The following PDGFD variants were observed in gnomAD, a reference collection of about 807,000 sequenced individuals.
The protein encoded by PDGFD is platelet derived growth factor D, also known as platelet-derived growth factor D.
A neutral mutation model predicts 44.7 loss-of-function variants in PDGFD; 30 were observed. The ratio of observed to expected loss-of-function variants is 0.67; its 90% confidence interval spans 0.50 to 0.91. PDGFD has a LOEUF of 0.91. PDGFD is among the 40% of genes least tolerant of loss of function. The probability of loss-of-function intolerance (pLI) is 0.00; values close to 1 mark genes in which losing one functional copy is unlikely to be tolerated. For missense variants in PDGFD, 445 were observed against 457.8 expected (o/e 0.97, Z 0.25); for synonymous variants, 173 against 168.4 (o/e 1.03, Z -0.21).
At chr11:104,132,853 G>A (rs1287178668) in intron 1 of PDGFD, among the ~76,000 whole-genome samples, 1 of 152,074 alleles carries the variant, frequency 6.6e-6, no homozygotes, top group Non-Finnish European at 1.5e-5. Context: ...TATAACAAAT[G>A]AACAATTTGA....
chr11:104,132,328 A>G (rs1050713200), intron 1 of PDGFD, among the ~76,000 whole-genome samples: 3 of 152,120 alleles, frequency 2.0e-5, no homozygotes, highest in African/African-American at 7.2e-5. Context: ...GTGCATACCT[A>G]TATGAATTCC....
intron 3 of PDGFD, among the ~76,000 whole-genome samples, chr11:103,957,704 T>A (rs1419425756): frequency 2.6e-5 from 4 of 152,022 alleles, no homozygotes; most frequent in African/African-American, 7.3e-5. Context: ...TTAGAGCAAA[T>A]CCCAGTCCAG....
Position 103,907,260 on chromosome 11 carries a change from G to C in PDGFD, c.*2434C>G, listed in dbSNP as rs1421951390. ...TTACATTCGCTATAGAAAATGCTAT[G>C]AGAGGAAAAAGCTGCATGTTACCGA... On this transcript the variant is annotated 3_prime_UTR_variant, in exon 7 of 7. Coordinates refer to ENST00000393158, the MANE Select transcript of PDGFD (RefSeq NM_025208.5). 6.6e-6 allele frequency: 1 copy of C among 151,980 alleles called. No homozygotes were observed. The highest frequency in any genetic ancestry group is 1.5e-5 in the Non-Finnish European group (1 of 68,012). 9.4% of individuals were successfully genotyped at this position (151,980 alleles called of 1,614,324 possible).
rs188298977 is a variant in PDGFD at position 104,161,103 on chromosome 11, C to T, written c.124+2701G>A. Among the ~76,000 whole-genome samples, 7 of 152,266 alleles carry T rather than the reference C, an allele frequency of 4.6e-5. No homozygotes were observed. In the East Asian group the frequency reaches 1.2e-3, roughly 25 times the overall value. On this transcript the variant is annotated intron_variant, in intron 1 of 6. Coordinates refer to ENST00000393158, the MANE Select transcript of PDGFD (RefSeq NM_025208.5). The stretch of plus-strand genomic sequence containing the variant: ...AAGTCCAGCAGGAACAAATGAAAAG[C>T]CTTCAAGTATGTCTATCATCAGGTA...
At chr11:103,936,566 C>T (rs918271367) in intron 5 of PDGFD, among the ~76,000 whole-genome samples, 31 of 152,188 alleles carry the variant, frequency 2.0e-4, no homozygotes, top group African/African-American at 7.5e-4. Flanking sequence ...TTCTCAGTTT[C>T]TTATGCTAGT....
intron 1 of PDGFD, among the ~76,000 whole-genome samples, chr11:104,042,370 GA>G (rs1158936798): frequency 1.3e-5 from 2 of 152,108 alleles, no homozygotes; most frequent in Non-Finnish European, 2.9e-5. Context: ...TCTGTTATCA[GA>G]AAAAAATGGA....
intron 3 of PDGFD, among the ~76,000 whole-genome samples, chr11:103,983,815 A>G (rs2099570695): frequency 6.6e-6 from 1 of 151,770 alleles, no homozygotes; most frequent in African/African-American, 2.4e-5. Context: ...ACATGAAAAA[A>G]CCGATCATTA....
intron 1 of PDGFD, among the ~76,000 whole-genome samples, chr11:104,013,767 CTGAA>C (rs912685167): frequency 6.6e-6 from 1 of 152,058 alleles, no homozygotes; most frequent in Admixed American, 6.6e-5. Context: ...TAACCATACA[CTGAA>C]TAACATCTCA....
At chr11:104,161,207 G>C (rs950387477) in intron 1 of PDGFD, among the ~76,000 whole-genome samples, 1 of 152,068 alleles carries the variant, frequency 6.6e-6, no homozygotes, top group African/African-American at 2.4e-5. Flanking sequence ...CTGAGAGCCA[G>C]GTCTTCTAAA....
chr11:103,992,286 T>C (rs1341161217), intron 3 of PDGFD, among the ~76,000 whole-genome samples: 2 of 152,148 alleles, frequency 1.3e-5, no homozygotes, highest in African/African-American at 2.4e-5. Flanking sequence ...TAAGGCACTG[T>C]ATAGAATTAT....
At chr11:103,987,374 C>G (rs1202055206) in intron 3 of PDGFD, among the ~76,000 whole-genome samples, 1 of 152,124 alleles carries the variant, frequency 6.6e-6, no homozygotes, top group East Asian at 1.9e-4. Context: ...CCTGAGTCCA[C>G]CTGCTAAGCA....
At chr11:104,037,296 C>G in intron 1 of PDGFD, 1 of 1,613,412 alleles carries the variant, frequency 6.2e-7, no homozygotes, top group Non-Finnish European at 8.5e-7. Context: ...ACGATCTGTC[C>G]CTGCTCAAGG....
At chr11:104,021,257 G>A (rs991283585) in intron 1 of PDGFD, among the ~76,000 whole-genome samples, 1 of 152,120 alleles carries the variant, frequency 6.6e-6, no homozygotes, top group Non-Finnish European at 1.5e-5. Flanking sequence ...TTCTAGAGCT[G>A]CCTTACACAG....
At chr11:103,929,035 G>C (rs991948815) in intron 5 of PDGFD, among the ~76,000 whole-genome samples, 2 of 152,130 alleles carry the variant, frequency 1.3e-5, no homozygotes, top group Admixed American at 6.6e-5. Context: ...GGAAGGGATC[G>C]TGATGTGTGA....
At chr11:104,028,688 C>T (rs889142492) in intron 1 of PDGFD, among the ~76,000 whole-genome samples, 1 of 149,016 alleles carries the variant, frequency 6.7e-6, no homozygotes, top group African/African-American at 2.5e-5. Flanking sequence ...CACCACAACC[C>T]TGCATTCTAG....
chr11:104,036,663 A>G (rs1012300769), intron 1 of PDGFD: 15 of 638,802 alleles, frequency 2.3e-5, no homozygotes, highest in African/African-American at 1.5e-4. Flanking sequence ...GACAGCCCCC[A>G]GACAGATGAG....
rs1178154804 is a variant in PDGFD, at chr11:104,163,939, G to A, written c.-12C>T. 6 of 1,531,060 alleles carry A rather than the reference G, an allele frequency of 3.9e-6. 1 individual carries two copies. In the Admixed American group the frequency reaches 5.4e-5, roughly 14 times the overall value. The allele number at this position is 1,531,060 out of a possible 1,614,324, so 94.8% of individuals were successfully genotyped here. On this transcript the variant is annotated 5_prime_UTR_variant, in exon 1 of 7. Coordinates refer to ENST00000393158, the MANE Select transcript of PDGFD (RefSeq NM_025208.5). ...ATGAGCCGGTGCATTTGGGATCAGC[G>A]ACTAGAGACAGCGTCGCTCCAAGAA...
chr11:104,148,154 T>C (rs1316877308), intron 1 of PDGFD, among the ~76,000 whole-genome samples: 3 of 152,126 alleles, frequency 2.0e-5, no homozygotes, highest in Non-Finnish European at 2.9e-5. Flanking sequence ...TACATGAAAA[T>C]AACTAGCAAC....
At position 104,017,525 on chromosome 11, in the gene PDGFD, T is replaced by G. The variant is rs144180809; in HGVS notation, c.125-17270A>C. The stretch of plus-strand genomic sequence containing the variant: ...CTCAACATATTCTTCATCACTGTTC[T>G]GCCCGATCCAACATCCATCTCCATT... On this transcript the variant is annotated intron_variant, in intron 1 of 6. Transcript: ENST00000393158. 4.8e-3 allele frequency among the ~76,000 whole-genome samples: 735 copies of G among 152,332 alleles called. 10 individuals carry two copies. The highest frequency in any genetic ancestry group is 0.017 in the African/African-American group (695 of 41,574).
Sources: gnomAD v4.1 joint callset for allele counts (sites outside exome capture counted in the v4.1 genomes callset) on GRCh38, gnomAD v4.1.1 for gene constraint, MANE v1.5 for transcripts, NCBI Gene and HGNC (gene_info 2026-07-23, HGNC 2026-07-21) for gene names.